The following PDE8A variants were observed in gnomAD, a reference collection of about 807,000 sequenced individuals.
The protein encoded by PDE8A is high affinity cAMP-specific and IBMX-insensitive 3',5'-cyclic phosphodiesterase 8A.
In PDE8A, 59 loss-of-function variants were observed where a neutral mutation model predicts 105.0. The ratio of observed to expected loss-of-function variants is 0.56; its 90% CI spans 0.46 to 0.70. The LOEUF is 0.70. PDE8A is among the 30% of genes least tolerant of loss of function. The probability of loss-of-function intolerance (pLI) is 0.00; values close to 1 mark genes in which losing one functional copy is unlikely to be tolerated. For synonymous variants in PDE8A, 355 were observed against 371.9 expected (o/e 0.95, Z 0.52); for missense variants, 1,014 against 1,045.9 (o/e 0.97, Z 0.42).
At chr15:85,056,000 C>T (rs2081053566) in intron 1 of PDE8A, among the ~76,000 whole-genome samples, 1 of 152,126 alleles carries the variant, frequency 6.6e-6, no homozygotes, top group Admixed American at 6.6e-5. Flanking sequence ...GTAAGGCAGG[C>T]CTGGTGGTGA....
chr15:85,102,679 A>T (rs1470653003), intron 11 of PDE8A, among the ~76,000 whole-genome samples: 1 of 151,854 alleles, frequency 6.6e-6, no homozygotes, highest in Non-Finnish European at 1.5e-5. Flanking sequence ...GTCTCTACTA[A>T]AAATACAAAA....
chr15:85,000,352 C>G (rs545470960), intron 1 of PDE8A, among the ~76,000 whole-genome samples: 1 of 152,072 alleles, frequency 6.6e-6, no homozygotes, highest in Non-Finnish European at 1.5e-5. Context: ...GGTTTTCTGG[C>G]CTGTAAACCA....
chr15:85,082,256 G>C (rs1242811191), intron 5 of PDE8A, among the ~76,000 whole-genome samples: 2 of 152,156 alleles, frequency 1.3e-5, no homozygotes, highest in Non-Finnish European at 2.9e-5. Flanking sequence ...AAGGGGCTCT[G>C]TTTTGGCCTA....
At chr15:85,007,323 A>G (rs2080164341) in intron 1 of PDE8A, among the ~76,000 whole-genome samples, 2 of 151,574 alleles carry the variant, frequency 1.3e-5, no homozygotes, top group African/African-American at 4.8e-5. Context: ...AGACTGAAGA[A>G]GCAGCCAGCC....
At chr15:85,022,675 A>G (rs2080448650) in intron 1 of PDE8A, among the ~76,000 whole-genome samples, 1 of 151,122 alleles carries the variant, frequency 6.6e-6, no homozygotes, top group Non-Finnish European at 1.5e-5. Context: ...CAGCCTCCGG[A>G]GTAGCTGGGA....
rs956432198 is a variant in PDE8A at position 85,113,807 on chromosome 15, G to A, written c.1186-66G>A. On this transcript the variant is annotated intron_variant, in intron 13 of 21. Transcript: ENST00000394553. Reference sequence around the variant, plus strand: ...GTAGCTGGAATTACAGACACGTACTGCCATGCCTGGCTCTCCCACTGTTTT... The same window carrying A: ...GTAGCTGGAATTACAGACACGTACTACCATGCCTGGCTCTCCCACTGTTTT... 8 of 1,248,890 alleles carry A rather than the reference G, an allele frequency of 6.4e-6. No individual in the cohort carries two copies. In the Admixed American group the frequency reaches 1.1e-4, roughly 17 times the overall value. The allele number at this position is 1,248,890 out of a possible 1,614,324, so 77.4% of individuals were successfully genotyped here. A position where few individuals can be genotyped will look rare whatever the true frequency, so the allele number is the denominator to read the frequency against.
At chr15:85,056,447 A>G (rs1467885476) in intron 1 of PDE8A, among the ~76,000 whole-genome samples, 2 of 152,170 alleles carry the variant, frequency 1.3e-5, no homozygotes, top group African/African-American at 4.8e-5. Context: ...CAGGTACACC[A>G]ATCAGACGTA....
chr15:85,028,007 T>TTATTA (rs2080546752), intron 1 of PDE8A, among the ~76,000 whole-genome samples: 1 of 152,220 alleles, frequency 6.6e-6, no homozygotes, highest in Non-Finnish European at 1.5e-5. Context: ...TTTGAACGCT[T>TTATTA]AACGTTGCTG....
At chr15:85,049,155 C>T (rs2080933258) in intron 1 of PDE8A, among the ~76,000 whole-genome samples, 1 of 151,974 alleles carries the variant, frequency 6.6e-6, no homozygotes, top group South Asian at 2.1e-4. Flanking sequence ...CAGATGTCTC[C>T]TTTTTTCCTG....
intron 1 of PDE8A, among the ~76,000 whole-genome samples, chr15:85,041,605 T>G (rs1321116355): frequency 2.0e-5 from 3 of 152,254 alleles, no homozygotes; most frequent in Non-Finnish European, 2.9e-5. Flanking sequence ...GTATTCATTT[T>G]GGGGCACATA....
chr15:85,103,813 C>G (rs1393258377), intron 11 of PDE8A, among the ~76,000 whole-genome samples: 1 of 152,258 alleles, frequency 6.6e-6, no homozygotes, highest in South Asian at 2.1e-4. Flanking sequence ...GTTCTCACCA[C>G]GGGTAGCATA....
At chr15:85,035,548 A>G (rs1439645085) in intron 1 of PDE8A, among the ~76,000 whole-genome samples, 4 of 152,142 alleles carry the variant, frequency 2.6e-5, no homozygotes, top group African/African-American at 9.7e-5. Flanking sequence ...TTTTCCACTC[A>G]GCCAACTATA....
At chr15:85,010,989 T>C (rs1442856650) in intron 1 of PDE8A, among the ~76,000 whole-genome samples, 1 of 152,198 alleles carries the variant, frequency 6.6e-6, no homozygotes, top group Admixed American at 6.5e-5. Flanking sequence ...CTGAGAAATA[T>C]GTCCTGGAAG....
At chr15:84,994,974 A>AG (rs2142162143) in intron 1 of PDE8A, among the ~76,000 whole-genome samples, 1 of 149,450 alleles carries the variant, frequency 6.7e-6, no homozygotes, top group East Asian at 1.9e-4. Context: ...AAAAAAAAAA[A>AG]GAGAGAAAAA....
At chr15:85,061,397 C>T (rs2081142990) in intron 1 of PDE8A, among the ~76,000 whole-genome samples, 1 of 151,784 alleles carries the variant, frequency 6.6e-6, no homozygotes, top group African/African-American at 2.4e-5. Context: ...CCACACCCAG[C>T]TAATTTTTTT....
At chr15:85,058,308 A>G (rs948168818) in intron 1 of PDE8A, among the ~76,000 whole-genome samples, 11 of 150,900 alleles carry the variant, frequency 7.3e-5, no homozygotes, top group Non-Finnish European at 1.0e-4. Flanking sequence ...GCTTGTCTTG[A>G]CTCCTGGCCT....
At chr15:85,025,761 T>TA (rs916066606) in intron 1 of PDE8A, among the ~76,000 whole-genome samples, 34 of 152,316 alleles carry the variant, frequency 2.2e-4, no homozygotes, top group African/African-American at 7.9e-4. Context: ...CTGGAGTCTT[T>TA]AAGTGTCTGC....
At chr15:84,990,337 A>C (rs1276665974) in intron 1 of PDE8A, among the ~76,000 whole-genome samples, 1 of 152,230 alleles carries the variant, frequency 6.6e-6, no homozygotes. Flanking sequence ...CAAGATACAG[A>C]ATTACACAAT....
intron 1 of PDE8A, among the ~76,000 whole-genome samples, chr15:85,009,190 G>A (rs2080201407): frequency 6.6e-6 from 1 of 151,674 alleles, no homozygotes; most frequent in Non-Finnish European, 1.5e-5. Context: ...GGGTATAAGA[G>A]CTAGGTAATT....
Sources: gnomAD v4.1 joint callset for allele counts (sites outside exome capture counted in the v4.1 genomes callset) on GRCh38, gnomAD v4.1.1 for gene constraint, MANE v1.5 for transcripts, NCBI Gene and HGNC (gene_info 2026-07-23, HGNC 2026-07-21) for gene names.